Variants in DLD observed in about 807,000 individuals in gnomAD.
The protein encoded by DLD is dihydrolipoyl dehydrogenase, mitochondrial.
Under a neutral mutation model 62.2 loss-of-function variants are expected in DLD, and 36 were observed. The ratio of observed to expected loss-of-function variants is 0.58; its 90% CI spans 0.44 to 0.76. The LOEUF is 0.76. Ranked by LOEUF, DLD falls within the 30% of genes least tolerant of loss-of-function variation. DLD has a pLI of 0.00. For missense variants in DLD, 541 were observed against 608.6 expected (o/e 0.89, Z 1.17); for synonymous variants, 204 against 199.6 (o/e 1.02, Z -0.19).
chr7:107,895,045 A>G (rs999126685), intron 2 of DLD, among the ~76,000 whole-genome samples: 1 of 152,184 alleles, frequency 6.6e-6, no homozygotes, highest in Admixed American at 6.5e-5. Flanking sequence ...CTCTGTGGCA[A>G]AGCATCCAGT....
At chr7:107,915,397 A>T (rs1228562054) in intron 8 of DLD, 109 bp from the exon 9 acceptor site, 1 of 1,177,048 alleles carries the variant, frequency 8.5e-7, no homozygotes, top group Admixed American at 1.9e-5. Flanking sequence ...TCTCATAGGA[A>T]CATACTAGCG....
chr7:107,912,848 A>AG, intron 8 of DLD, among the ~76,000 whole-genome samples: 1 of 152,052 alleles, frequency 6.6e-6, no homozygotes, highest in Admixed American at 6.6e-5. Context: ...TATGCTTTTG[A>AG]GGTCTTACAC....
At chr7:107,910,097 C>A (rs550880805) in intron 8 of DLD, among the ~76,000 whole-genome samples, 2 of 152,102 alleles carry the variant, frequency 1.3e-5, no homozygotes, top group South Asian at 4.2e-4. Context: ...CCTCATGATC[C>A]GTCTGCCTCG....
At chr7:107,897,737 C>G (rs2031764296) in intron 2 of DLD, among the ~76,000 whole-genome samples, 1 of 151,944 alleles carries the variant, frequency 6.6e-6, no homozygotes, top group Non-Finnish European at 1.5e-5. Flanking sequence ...CACCACTATG[C>G]CCAGCTAATT....
In DLD at chr7:107,907,063, T is replaced by G. The variant is rs186178358; in HGVS notation, c.684+695T>G. Reference sequence around the variant, plus strand: ...TTTCTAGTCCATAGATCTACTTTTTTGCAATCTTCCCTTTCCAATCTTGAC... The same window carrying G: ...TTTCTAGTCCATAGATCTACTTTTTGGCAATCTTCCCTTTCCAATCTTGAC... On this transcript the variant is annotated intron_variant, in intron 8 of 13. Coordinates refer to ENST00000205402, the MANE Select transcript of DLD (RefSeq NM_000108.5). 9.7e-4 allele frequency among the ~76,000 whole-genome samples: 148 copies of G among 152,350 alleles called. 1 individual carries two copies. Among genetic ancestry groups the G allele is most frequent in the African/African-American group, 3.4e-3 (140 of 41,588 alleles).
chr7:107,904,615 A>T (rs1014387962), intron 5 of DLD: 3 of 438,582 alleles, frequency 6.8e-6, no homozygotes, highest in Non-Finnish European at 1.3e-5. Context: ...TTTATTTAAA[A>T]TTTCAGATGA....
chr7:107,920,759 G>C lies in DLD; in HGVS notation c.*1500G>C, dbSNP rs1262102341. ...TGGCTTTTGTTTCCCCCTCAAGTGA[G>C]AACCCGTTAAAAATGAGACATTGAG... On this transcript the variant is annotated 3_prime_UTR_variant, in exon 14 of 14. Transcript: ENST00000205402. The C allele has an allele frequency of 6.6e-6, 1 of 152,178 alleles. No individual in the cohort carries two copies. The highest frequency in any genetic ancestry group is 2.4e-5 in the African/African-American group (1 of 41,428). 9.4% of individuals were successfully genotyped at this position (152,178 alleles called of 1,614,324 possible).
chr7:107,916,743 A>G, intron 9 of DLD, 51 bp from the exon 10 acceptor site: 1 of 1,555,302 alleles, frequency 6.4e-7, no homozygotes, highest in South Asian at 1.1e-5. Context: ...TTCTAAGCCT[A>G]TCAATTTATG....
chr7:107,907,737 G>A lies in DLD; in HGVS notation c.684+1369G>A, dbSNP rs1232018396. Reference sequence around the variant, plus strand: ...TTCATGTGCTTCTATGTGTGTACCTGTGATGCATTTGCACTCATTAACACA... The same window carrying A: ...TTCATGTGCTTCTATGTGTGTACCTATGATGCATTTGCACTCATTAACACA... On this transcript the variant is annotated intron_variant, in intron 8 of 13. Transcript: ENST00000205402. Among the ~76,000 whole-genome samples the A allele has an allele frequency of 5.9e-5, 9 of 152,164 alleles. No homozygotes were observed. In the South Asian group the frequency reaches 8.3e-4, roughly 14 times the overall value.
intron 8 of DLD, among the ~76,000 whole-genome samples, chr7:107,914,182 T>TA (rs1488117945): frequency 6.6e-6 from 1 of 152,174 alleles, no homozygotes; most frequent in Non-Finnish European, 1.5e-5. Context: ...TTAATGTACT[T>TA]ACGTGCCATC....
intron 2 of DLD, among the ~76,000 whole-genome samples, chr7:107,896,520 A>C (rs912594724): frequency 2.6e-5 from 4 of 152,140 alleles, no homozygotes; most frequent in African/African-American, 7.2e-5. Context: ...ACTTCAGATC[A>C]TTTCTTATTT....
chr7:107,893,350 A>C (rs541309552), intron 2 of DLD, 72 bp downstream of exon 2: 2 of 1,155,280 alleles, frequency 1.7e-6, no homozygotes, highest in African/African-American at 1.5e-5. Context: ...TGTAAAAGCA[A>C]GTGAATATTG....
rs1237973901 is a variant in DLD at position 107,918,057 on chromosome 7, G to C, written c.1370G>C (p.Gly457Ala). The change falls in exon 12 of 14, where the codon GGA becomes GCA. Residue 457 changes from glycine (G) to alanine (A), a missense_variant. Coordinates refer to ENST00000205402, the MANE Select transcript of DLD (RefSeq NM_000108.5). ...AGAGTACTGGGAGCACATATTCTTG[G>C]ACCAGTGAGTATTGTAAAACCAGAG... The part of the protein sequence containing the change: ...TDRVLGAHIL[G>A]PGAGEMVNEA... 32 of 1,613,846 alleles carry C rather than the reference G, an allele frequency of 2.0e-5. No homozygotes were observed. The highest frequency in any genetic ancestry group is 2.7e-5 in the Non-Finnish European group (32 of 1,179,898).
At chr7:107,906,212 G>T in intron 7 of DLD, 55 bp from the exon 8 acceptor site, 1 of 1,122,508 alleles carries the variant, frequency 8.9e-7, no homozygotes, top group South Asian at 1.3e-5. Flanking sequence ...ATGGAGGGTC[G>T]ACTGTACTAG....
At chr7:107,912,146 G>A (rs570205323) in intron 8 of DLD, among the ~76,000 whole-genome samples, 1 of 151,830 alleles carries the variant, frequency 6.6e-6, no homozygotes, top group South Asian at 2.1e-4. Flanking sequence ...CATCTGTTCT[G>A]TTGCAAATGA....
chr7:107,904,512 G>A (rs944484484), intron 5 of DLD, among the ~76,000 whole-genome samples: 8 of 152,202 alleles, frequency 5.3e-5, no homozygotes, highest in Admixed American at 5.2e-4. Context: ...TTAAAACCTA[G>A]GTGATTAAAC....
At chr7:107,893,167 A>G (rs2031631297) in intron 1 of DLD, 33 bp from the exon 2 acceptor site, 2 of 1,574,294 alleles carry the variant, frequency 1.3e-6, no homozygotes, top group South Asian at 1.1e-5. Flanking sequence ...TTGAATTCAT[A>G]TCTTACATAA....
rs121964987 is a variant in DLD, at chr7:107,902,340, A to G, written c.214A>G (p.Lys72Glu). Residue 72 changes from lysine (K) to glutamate (E), a missense_variant, in exon 4 of 14, where the codon AAA becomes GAA. Lys to Glu is a moderately conservative substitution (Grantham distance 56, BLOSUM62 1). Transcript: ENST00000205402. ...TTGGTTGTAGACAGTCTGCATTGAGAAAAATGAAACACTTGGTGGAACATG... is the reference window on the plus strand; with the variant it reads ...TTGGTTGTAGACAGTCTGCATTGAGGAAAATGAAACACTTGGTGGAACATG... Reference protein sequence around the residue: ...QLGFKTVCIEKNETLGGTCLN... With the variant: ...QLGFKTVCIEENETLGGTCLN... 3 of 1,613,814 alleles carry G rather than the reference A, an allele frequency of 1.9e-6. No individual in the cohort carries two copies. Among genetic ancestry groups the G allele is most frequent in the East Asian group, 4.5e-5 (2 of 44,804 alleles).
At chr7:107,901,695 A>G (rs1385096145) in intron 2 of DLD, 43 bp from the exon 3 acceptor site, 2 of 1,523,914 alleles carry the variant, frequency 1.3e-6, no homozygotes, top group South Asian at 1.1e-5. Flanking sequence ...TTTGGTAAAT[A>G]TTAAGCAATT....
Sources: gnomAD v4.1 joint callset for allele counts (sites outside exome capture counted in the v4.1 genomes callset) on GRCh38, gnomAD v4.1.1 for gene constraint, MANE v1.5 for transcripts, NCBI Gene and HGNC (gene_info 2026-07-23, HGNC 2026-07-21) for gene names.